Variants in LGALS9C observed in about 807,000 individuals in gnomAD.
LGALS9C encodes the protein galectin-9C.
In LGALS9C, 7 loss-of-function variants were observed where a neutral mutation model predicts 41.3. That is an observed-to-expected ratio of 0.17 (90% CI 0.10 to 0.32). LGALS9C has a LOEUF of 0.32. Ranked by LOEUF, LGALS9C falls within the 10% of genes least tolerant of loss-of-function variation. The pLI, the probability that LGALS9C is intolerant of heterozygous loss-of-function variation, is 1.00. For synonymous variants in LGALS9C, 44 were observed against 171.0 expected, an observed-to-expected ratio of 0.26 and a Z score of 5.80; for missense variants, 102 against 455.2, an observed-to-expected ratio of 0.22 and a Z score of 7.06.
chr17:18,481,097 C>T (rs1188822849), intron 1 of LGALS9C, among the ~76,000 whole-genome samples: 3 of 128,318 alleles, frequency 2.3e-5, no homozygotes, highest in African/African-American at 5.1e-5. Context: ...CACTACACTC[C>T]AGCCTGGGCA....
chr17:18,494,599 G>C lies in LGALS9C; in HGVS notation c.*232G>C, dbSNP rs1989942745. On this transcript the variant is annotated 3_prime_UTR_variant, in exon 11 of 11. Coordinates refer to ENST00000328114, the MANE Select transcript of LGALS9C (RefSeq NM_001040078.3). ...GCAGCACCTGGGGCGCCAGCTGCTG[G>C]AATCCTACAATCCCAGAAGGCGGGC... 3.0e-6 allele frequency: 2 copies of C among 664,586 alleles called. No homozygotes were observed. The highest frequency in any genetic ancestry group is 4.0e-5 in the South Asian group (2 of 50,088). The allele number at this position is 664,586 out of a possible 1,614,324, so 41.2% of individuals were successfully genotyped here.
intron 10 of LGALS9C, among the ~76,000 whole-genome samples, chr17:18,493,228 C>T (rs1291013012): frequency 8.2e-6 from 1 of 121,514 alleles, no homozygotes; most frequent in Non-Finnish European, 1.9e-5. Flanking sequence ...ATGCTGGGAG[C>T]GCAGTCATGA....
rs569757586 is a variant in LGALS9C, at chr17:18,488,794, C to G, written c.445-147C>G. The G allele has an allele frequency of 7.3e-6, 9 of 1,235,304 alleles. 2 individuals are homozygous for G. The South Asian group carries it at 9.9e-5, about 14-fold the overall frequency. 76.5% of individuals were successfully genotyped at this position (1,235,304 alleles called of 1,614,324 possible). ...GCTGCTCACCGAAGCCTGGCCCTTT[C>G]CGCTCCCGCCTCCGTGTGGCCCTAA... On this transcript the variant is annotated intron_variant, in intron 4 of 10. Coordinates refer to ENST00000328114, the MANE Select transcript of LGALS9C (RefSeq NM_001040078.3).
At chr17:18,492,672 G>T in intron 9 of LGALS9C, 25 bp from the exon 10 acceptor site, 1 of 1,492,050 alleles carries the variant, frequency 6.7e-7, no homozygotes, top group South Asian at 1.2e-5. Flanking sequence ...AGTGGACAAA[G>T]GTCCAGGTAG....
At position 18,478,531 on chromosome 17, in the gene LGALS9C, G is replaced by A. The variant is rs578199129; in HGVS notation, c.39+1638G>A. Reference sequence around the variant, plus strand: ...CATGCCGACAGTGGGGGAAGGTCACGCGGTTCATGTCCTGCTGAGGAGGGC... The same window carrying A: ...CATGCCGACAGTGGGGGAAGGTCACACGGTTCATGTCCTGCTGAGGAGGGC... On this transcript the variant is annotated intron_variant, in intron 1 of 10. Transcript: ENST00000328114. 5.4e-5 allele frequency among the ~76,000 whole-genome samples: 7 copies of A among 129,648 alleles called. 1 individual carries two copies. The highest frequency in any genetic ancestry group is 3.8e-4 in the Admixed American group (5 of 13,264). 85.1% of individuals were successfully genotyped at this position (129,648 alleles called of 152,430 possible).
intron 4 of LGALS9C, among the ~76,000 whole-genome samples, chr17:18,487,968 C>T (rs1989664298): frequency 1.5e-5 from 2 of 131,602 alleles, no homozygotes; most frequent in Admixed American, 1.5e-4. Context: ...GGAACACCTG[C>T]CTTGGTCTCC....
At position 18,492,645 on chromosome 17, in the gene LGALS9C, A is replaced by G. The variant is rs1362169079; in HGVS notation, c.762-52A>G. The G allele has an allele frequency of 2.0e-6, 3 of 1,514,754 alleles. No individual in the cohort carries two copies. In the African/African-American group the frequency reaches 4.1e-5, roughly 21 times the overall value. 93.8% of individuals were successfully genotyped at this position (1,514,754 alleles called of 1,614,324 possible). ...GGCAGGCTGGGGATGATGGGGAGGA[A>G]ATGGGGCTCAGAACTCAGTGGACAA... On this transcript the variant is annotated intron_variant, in intron 9 of 10. Transcript: ENST00000328114.
At chr17:18,488,345 T>G (rs1989679312) in intron 4 of LGALS9C, among the ~76,000 whole-genome samples, 1 of 107,720 alleles carries the variant, frequency 9.3e-6, no homozygotes, top group Non-Finnish European at 2.3e-5. Flanking sequence ...GACCCAGGTA[T>G]GGTGGTGGAG....
In LGALS9C at chr17:18,492,392, C is replaced by T. The variant is rs1185155389; in HGVS notation, c.673-65C>T. Reference sequence around the variant, plus strand: ...CTAAATTCATGGGAACTGGTACAATCTTCCCCTTCCATGTGGCGGCTGCCC... The same window carrying T: ...CTAAATTCATGGGAACTGGTACAATTTTCCCCTTCCATGTGGCGGCTGCCC... On this transcript the variant is annotated intron_variant, in intron 8 of 10. Transcript: ENST00000328114. 8.0e-6 allele frequency: 12 copies of T among 1,506,798 alleles called. No homozygotes were observed. In the African/African-American group the frequency reaches 9.6e-5, roughly 12 times the overall value. 93.3% of individuals were successfully genotyped at this position (1,506,798 alleles called of 1,614,324 possible).
intron 1 of LGALS9C, among the ~76,000 whole-genome samples, chr17:18,477,243 AAGGGTGCGT>A (rs1989240695): frequency 7.8e-6 from 1 of 127,802 alleles, no homozygotes; most frequent in South Asian, 2.4e-4. Flanking sequence ...CATGGTAGTT[AAGGGTGCGT>A]ACTGTGGAGT....
In LGALS9C at chr17:18,482,977, T is replaced by G. The variant is rs1200064923; in HGVS notation, c.40-898T>G. ...AGTCTCTTCTACCACAGGCTTTTTCTCACAAAATCATCAATCATATGCAGT... is the reference window on the plus strand; with the variant it reads ...AGTCTCTTCTACCACAGGCTTTTTCGCACAAAATCATCAATCATATGCAGT... On this transcript the variant is annotated intron_variant, in intron 1 of 10. Transcript: ENST00000328114. 1.6e-5 allele frequency among the ~76,000 whole-genome samples: 2 copies of G among 124,476 alleles called. 1 individual carries two copies. The highest frequency in any genetic ancestry group is 3.9e-5 in the Non-Finnish European group (2 of 51,170). 81.7% of individuals were successfully genotyped at this position (124,476 alleles called of 152,430 possible). A position where few individuals can be genotyped will look rare whatever the true frequency, so the allele number is the denominator to read the frequency against.
rs1410414393 is a variant in LGALS9C at position 18,492,927 on chromosome 17, T to C, written c.924+68T>C. The C allele has an allele frequency of 5.0e-6, 7 of 1,408,794 alleles. No homozygotes were observed. The East Asian group carries it at 1.2e-4, about 23-fold the overall frequency. The allele number at this position is 1,408,794 out of a possible 1,614,324, so 87.3% of individuals were successfully genotyped here. A position where few individuals can be genotyped will look rare whatever the true frequency, so the allele number is the denominator to read the frequency against. On this transcript the variant is annotated intron_variant, in intron 10 of 10. Coordinates refer to ENST00000328114, the MANE Select transcript of LGALS9C (RefSeq NM_001040078.3). ...ACACGGGGAGGGGGTAAAGGAGGTC[T>C]GGGGTACCTTGAACAGGATGGGAGC...
chr17:18,487,323 T>TA (rs1989628399), intron 3 of LGALS9C, among the ~76,000 whole-genome samples: 1 of 62,530 alleles, frequency 1.6e-5, no homozygotes, highest in African/African-American at 5.1e-5. Context: ...GAAGGAAAAA[T>TA]AATAAATAAA....
At position 18,492,712 on chromosome 17, in the gene LGALS9C, GTGCTC is replaced by G. The variant is rs1420634473; in HGVS notation, c.780_784del (p.Cys260TrpfsTer13). On this transcript the variant is annotated frameshift_variant, in exon 10 of 11. Coordinates refer to ENST00000328114, the MANE Select transcript of LGALS9C (RefSeq NM_001040078.3). LOFTEE classifies it high-confidence loss of function. ...CCCACCCCAGGTTCCACATCAACCT[GTGCTC>G]TGGGAGCCACATCGCCTTCCACATG... is the stretch of plus-strand genomic sequence containing the variant. 2 of 1,457,388 alleles carry G rather than the reference GTGCTC, an allele frequency of 1.4e-6. No individual in the cohort carries two copies. Among genetic ancestry groups the G allele is most frequent in the South Asian group, 2.3e-5 (2 of 86,156 alleles). 90.3% of individuals were successfully genotyped at this position (1,457,388 alleles called of 1,614,324 possible). A position where few individuals can be genotyped will look rare whatever the true frequency, so the allele number is the denominator to read the frequency against.
Position 18,486,849 on chromosome 17 carries a change from G to C in LGALS9C, c.333+714G>C, listed in dbSNP as rs571192991. ...AGGAGCTGAACGATGAGAACACATGGACACAAGCGGGGAAACAACACACAC... is the reference window on the plus strand; with the variant it reads ...AGGAGCTGAACGATGAGAACACATGCACACAAGCGGGGAAACAACACACAC... On this transcript the variant is annotated intron_variant, in intron 3 of 10. Coordinates refer to ENST00000328114, the MANE Select transcript of LGALS9C (RefSeq NM_001040078.3). The C allele has an allele frequency of 1.3e-5, 2 of 150,706 alleles. 1 individual carries two copies. Among genetic ancestry groups the C allele is most frequent in the Non-Finnish European group, 3.1e-5 (2 of 65,332 alleles). 9.3% of individuals were successfully genotyped at this position (150,706 alleles called of 1,614,324 possible).
chr17:18,494,625 A>G lies in LGALS9C; in HGVS notation c.*258A>G. 1 of 571,114 alleles carries G rather than the reference A, an allele frequency of 1.8e-6. No individual in the cohort carries two copies. Among genetic ancestry groups the G allele is most frequent in the African/African-American group, 1.8e-5 (1 of 54,720 alleles). The allele number at this position is 571,114 out of a possible 1,614,324, so 35.4% of individuals were successfully genotyped here. A position where few individuals can be genotyped will look rare whatever the true frequency, so the allele number is the denominator to read the frequency against. On this transcript the variant is annotated 3_prime_UTR_variant, in exon 11 of 11. Coordinates refer to ENST00000328114, the MANE Select transcript of LGALS9C (RefSeq NM_001040078.3). ...AATCCTACAATCCCAGAAGGCGGGCACAGCCAGGGAGAGGGGAGGAGTGGG... is the reference window on the plus strand; with the variant it reads ...AATCCTACAATCCCAGAAGGCGGGCGCAGCCAGGGAGAGGGGAGGAGTGGG...
At position 18,479,180 on chromosome 17, in the gene LGALS9C, A is replaced by G. The variant is rs1989308922; in HGVS notation, c.39+2287A>G. On this transcript the variant is annotated intron_variant, in intron 1 of 10. Transcript: ENST00000328114. ...TGCTGAGTCCAGAATGAGGCTGCCC[A>G]CATTCTGGTCCGCAGGGCTCAGCTC... is the stretch of plus-strand genomic sequence containing the variant. Among the ~76,000 whole-genome samples the G allele has an allele frequency of 1.8e-5, 2 of 111,042 alleles. 1 individual carries two copies. The highest frequency in any genetic ancestry group is 1.8e-4 in the Admixed American group (2 of 11,296). The allele number at this position is 111,042 out of a possible 152,430, so 72.8% of individuals were successfully genotyped here.
In LGALS9C at chr17:18,478,522, G is replaced by A. The variant is rs1180639954; in HGVS notation, c.39+1629G>A. Among the ~76,000 whole-genome samples the A allele has an allele frequency of 3.9e-5, 5 of 129,036 alleles. 2 individuals carry two copies. The highest frequency in any genetic ancestry group is 9.4e-5 in the Non-Finnish European group (5 of 53,376). 84.7% of individuals were successfully genotyped at this position (129,036 alleles called of 152,430 possible). ...CTTTCTCCACATGCCGACAGTGGGGGAAGGTCACGCGGTTCATGTCCTGCT... is the reference window on the plus strand; with the variant it reads ...CTTTCTCCACATGCCGACAGTGGGGAAAGGTCACGCGGTTCATGTCCTGCT... On this transcript the variant is annotated intron_variant, in intron 1 of 10. Coordinates refer to ENST00000328114, the MANE Select transcript of LGALS9C (RefSeq NM_001040078.3).
intron 1 of LGALS9C, among the ~76,000 whole-genome samples, chr17:18,483,007 G>A (rs1450840344): frequency 8.0e-6 from 1 of 125,078 alleles, no homozygotes; most frequent in African/African-American, 2.6e-5. Flanking sequence ...TGCAGTAGGA[G>A]AAACACCTTC....
Sources: gnomAD v4.1 joint callset for allele counts (sites outside exome capture counted in the v4.1 genomes callset) on GRCh38, gnomAD v4.1.1 for gene constraint, MANE v1.5 for transcripts, NCBI Gene and HGNC (gene_info 2026-07-23, HGNC 2026-07-21) for gene names.